The following NOX5 variants were observed in gnomAD, a reference collection of about 807,000 sequenced individuals.
NOX5 encodes the protein NADPH oxidase, EF-hand calcium binding domain 5.
A neutral mutation model predicts 85.7 loss-of-function variants in NOX5; 76 were observed. That is an observed-to-expected ratio of 0.89 (90% CI 0.74 to 1.07). The LOEUF (loss-of-function observed/expected upper bound fraction) is 1.07, where lower values mean the gene tolerates loss of function less well. Among genes scored for constraint, NOX5 ranks in the 50% least tolerant of loss-of-function variants. The pLI is 0.00. For synonymous variants in NOX5, 405 were observed against 401.4 expected (o/e 1.01, Z -0.11); for missense variants, 973 against 999.5 (o/e 0.97, Z 0.36).
At chr15:69,023,101 TC>T in intron 1 of NOX5, 1 of 417,456 alleles carries the variant, frequency 2.4e-6, no homozygotes, top group South Asian at 2.1e-5. Flanking sequence ...GCAGACTTCT[TC>T]CTGGGTGTCA....
intron 2 of NOX5, 61 bp from the exon 3 acceptor site, chr15:69,028,154 A>G (rs2050383129): frequency 1.3e-6 from 2 of 1,513,138 alleles, no homozygotes; most frequent in Non-Finnish European, 1.8e-6. Flanking sequence ...GACAGTGAAC[A>G]AATTCAAAGC....
intron 9 of NOX5, among the ~76,000 whole-genome samples, chr15:69,040,467 C>A (rs1335557739): frequency 6.6e-6 from 1 of 152,146 alleles, no homozygotes; most frequent in Admixed American, 6.5e-5. Flanking sequence ...TACATGGGCT[C>A]ACACTACAGG....
At position 69,059,349 on chromosome 15, in the gene NOX5, G is replaced by C. The variant is rs889647750; in HGVS notation, c.*2653G>C. On this transcript the variant is annotated 3_prime_UTR_variant, in exon 16 of 16. Coordinates refer to ENST00000388866, the MANE Select transcript of NOX5 (RefSeq NM_024505.4). ...AGTGGCAGTTAATCAAAGGGAAAGG[G>C]GCTGGGAAGACAACGCCCTGTTCCA... 2.6e-5 allele frequency: 4 copies of C among 152,138 alleles called. No homozygotes were observed. Among genetic ancestry groups the C allele is most frequent in the Admixed American group, 2.6e-4 (4 of 15,272 alleles). 9.4% of individuals were successfully genotyped at this position (152,138 alleles called of 1,614,324 possible). A position where few individuals can be genotyped will look rare whatever the true frequency, so the allele number is the denominator to read the frequency against.
chr15:69,038,885 CT>C lies in NOX5; in HGVS notation c.1407del (p.His470ThrfsTer10). ...KVTHLLIKRP[P>X]FFHYRPGDYL... ...ACTCATCTCCTCATCAAGCGGCCCC[CT>C]TTTTTTCACTATAGACCTGGTGACT... On this transcript the variant is annotated frameshift_variant, in exon 9 of 16. Coordinates refer to ENST00000388866, the MANE Select transcript of NOX5 (RefSeq NM_024505.4). LOFTEE classifies it high-confidence loss of function. 6.2e-7 allele frequency: 1 copy of C among 1,614,134 alleles called. No individual in the cohort carries two copies. Among genetic ancestry groups the C allele is most frequent in the East Asian group, 2.2e-5 (1 of 44,880 alleles).
chr15:69,056,565 G>A lies in NOX5; in HGVS notation c.2167G>A (p.Val723Met). ...TCTTCCTCAACCCCACTGACTCCAG[G>A]TGTTCCAGAAAGTGGCTGCTGAGAA... Reference protein sequence around the residue: ...TQPGRPDWSKVFQKVAAEKKG... With the variant: ...TQPGRPDWSKMFQKVAAEKKG... The change falls in exon 16 of 16, where the codon GTG becomes ATG. Residue 723 changes from valine to methionine, a missense_variant and splice_region_variant. Val to Met is a conservative substitution (Grantham distance 21). Transcript: ENST00000388866. 6.2e-7 allele frequency: 1 copy of A among 1,612,806 alleles called. No individual in the cohort carries two copies. The highest frequency in any genetic ancestry group is 8.5e-7 in the Non-Finnish European group (1 of 1,179,972).
At chr15:69,028,042 C>G (rs1238869999) in intron 2 of NOX5, among the ~76,000 whole-genome samples, 173 bp from the exon 3 acceptor site, 1 of 152,142 alleles carries the variant, frequency 6.6e-6, no homozygotes, top group Non-Finnish European at 1.5e-5. Context: ...CGGAACAGGT[C>G]TTCCATTAGA....
At chr15:69,043,236 C>A (rs2050618532) in intron 10 of NOX5, among the ~76,000 whole-genome samples, 1 of 152,190 alleles carries the variant, frequency 6.6e-6, no homozygotes, top group Admixed American at 6.5e-5. Flanking sequence ...TTGAAATAGG[C>A]AGCCTGGTCC....
At chr15:69,027,467 C>T (rs1002616404) in intron 2 of NOX5, among the ~76,000 whole-genome samples, 3 of 152,108 alleles carry the variant, frequency 2.0e-5, no homozygotes, top group African/African-American at 4.8e-5. Context: ...CAGCGGACTT[C>T]GGCCTATACC....
intron 1 of NOX5, among the ~76,000 whole-genome samples, chr15:69,015,232 G>C (rs943816052): frequency 3.3e-5 from 5 of 152,028 alleles, no homozygotes; most frequent in African/African-American, 1.2e-4. Flanking sequence ...GAAGATTCCC[G>C]CTCCTTCCTG....
chr15:69,031,766 G>T lies in NOX5; in HGVS notation c.574G>T (p.Asp192Tyr). Residue 192 changes from aspartate to tyrosine, a missense_variant, in exon 4 of 16, where the codon GAC (aspartate) becomes TAC (tyrosine). Asp to Tyr is a radical substitution (Grantham distance 160). Transcript: ENST00000388866. Reference sequence around the variant, plus strand: ...GGCCATCACCTTCGAGGAGCTCCGGGACGAGCTGCAGCGCTTCCCCGGAGT... The same window carrying T: ...GGCCATCACCTTCGAGGAGCTCCGGTACGAGCTGCAGCGCTTCCCCGGAGT... ...NGAITFEELR[D>Y]ELQRFPGVME... is the part of the protein sequence containing the mutation. The T allele has an allele frequency of 6.2e-7, 1 of 1,608,420 alleles. No homozygotes were observed.
intron 9 of NOX5, among the ~76,000 whole-genome samples, 161 bp downstream of exon 9, chr15:69,039,150 G>A (rs1183800460): frequency 3.3e-5 from 5 of 152,170 alleles, no homozygotes; most frequent in South Asian, 4.1e-4. Context: ...TGCAGACACC[G>A]ATTGGCATGG....
Position 69,035,931 on chromosome 15 carries a change from T to G in NOX5, c.1183T>G (p.Phe395Val), listed in dbSNP as rs752251538. ...TTCCTGCATCCGCAGGAGTGGCCAC[T>G]TTGAGGTGCCCCAGTTGCTGCCCTT... is the stretch of plus-strand genomic sequence containing the variant. ...SSSCIRRSGH[F>V]EVFYWTHLSY... The change falls in exon 7 of 16, where the codon TTT becomes GTT. Residue 395 changes from phenylalanine (F) to valine (V), a missense_variant. Transcript: ENST00000388866. 3.7e-6 allele frequency: 6 copies of G among 1,613,988 alleles called. No homozygotes were observed. In the East Asian group the frequency reaches 1.3e-4, roughly 36 times the overall value.
Position 69,048,003 on chromosome 15 carries a change from C to T in NOX5, c.1899+92C>T, listed in dbSNP as rs530464020. On this transcript the variant is annotated intron_variant, in intron 13 of 15. Coordinates refer to ENST00000388866, the MANE Select transcript of NOX5 (RefSeq NM_024505.4). Reference sequence around the variant, plus strand: ...CCATCCTCCTGTGCAAAGGTGGGAGCGGATAGGTGATCCCTAATGGGATCT... The same window carrying T: ...CCATCCTCCTGTGCAAAGGTGGGAGTGGATAGGTGATCCCTAATGGGATCT... 2,080 of 1,101,262 alleles carry T rather than the reference C, an allele frequency of 1.9e-3. 7 individuals carry two copies. The highest frequency in any genetic ancestry group is 2.9e-3 in the Admixed American group (155 of 53,524). 68.2% of individuals were successfully genotyped at this position (1,101,262 alleles called of 1,614,324 possible). A position where few individuals can be genotyped will look rare whatever the true frequency, so the allele number is the denominator to read the frequency against.
rs36020227 is a variant in NOX5, at chr15:69,048,727, T to C, written c.1900-232T>C. On this transcript the variant is annotated intron_variant, in intron 13 of 15. Coordinates refer to ENST00000388866, the MANE Select transcript of NOX5 (RefSeq NM_024505.4). ...TGTTTGTTGTAAACAATAGAAGATA[T>C]TAGAGAAAATCCCCGCCTTGGGGTC... Among the ~76,000 whole-genome samples, 486 of 152,244 alleles carry C rather than the reference T, an allele frequency of 3.2e-3. 4 individuals carry two copies. The highest frequency in any genetic ancestry group is 0.011 in the African/African-American group (456 of 41,532).
chr15:69,020,494 G>T (rs966124369), intron 1 of NOX5, among the ~76,000 whole-genome samples: 4 of 151,870 alleles, frequency 2.6e-5, no homozygotes, highest in Non-Finnish European at 4.4e-5. Context: ...ATTTTATTCT[G>T]TGTAGACATT....
intron 9 of NOX5, 108 bp downstream of exon 9, chr15:69,039,097 C>G: frequency 7.9e-7 from 1 of 1,263,812 alleles, no homozygotes; most frequent in Non-Finnish European, 1.1e-6. Flanking sequence ...GCCAGAAACA[C>G]AAAGTCAGCC....
Position 69,033,212 on chromosome 15 carries a change from GGCGCCAGC to G in NOX5, c.792_799del (p.Ala265HisfsTer129), listed in dbSNP as rs749001599. 6.3e-7 allele frequency: 1 copy of G among 1,597,304 alleles called. No homozygotes were observed. The highest frequency in any genetic ancestry group is 2.2e-5 in the East Asian group (1 of 44,770). Reference sequence around the variant, plus strand: ...GGCGGCCAGCGCGCACCGGGACCTCGGCGCCAGCGTCATGGTGGCCAAGGGCTGCGGCC... The same window carrying G: ...GGCGGCCAGCGCGCACCGGGACCTCGGTCATGGTGGCCAAGGGCTGCGGCC... On this transcript the variant is annotated frameshift_variant, in exon 5 of 16. Coordinates refer to ENST00000388866, the MANE Select transcript of NOX5 (RefSeq NM_024505.4). LOFTEE classifies it high-confidence loss of function.
chr15:69,033,027 C>A lies in NOX5; in HGVS notation c.621-16C>A. The A allele has an allele frequency of 6.5e-7, 1 of 1,546,768 alleles. No individual in the cohort carries two copies. On this transcript the variant is annotated splice_polypyrimidine_tract_variant and intron_variant, in intron 4 of 15. Coordinates refer to ENST00000388866, the MANE Select transcript of NOX5 (RefSeq NM_024505.4). ...CCCCACCGCTCGCCTCTGAGCGGAA[C>A]CCGCCTCTCTCGCAGCGCTGCCCAC...
intron 3 of NOX5, 173 bp from the exon 4 acceptor site, chr15:69,031,345 T>G (rs1342123816): frequency 1.5e-6 from 1 of 661,494 alleles, no homozygotes; most frequent in Non-Finnish European, 2.5e-6. Flanking sequence ...CCAAAGATTC[T>G]CCACCCGTGG....
Sources: gnomAD v4.1 joint callset for allele counts (sites outside exome capture counted in the v4.1 genomes callset) on GRCh38, gnomAD v4.1.1 for gene constraint, MANE v1.5 for transcripts, NCBI Gene and HGNC (gene_info 2026-07-23, HGNC 2026-07-21) for gene names.